GPR176: variants seen among roughly 807,000 people sequenced by gnomAD.
The protein encoded by GPR176 is G protein-coupled receptor 176.
In GPR176, 26 loss-of-function variants were observed where a neutral mutation model predicts 35.4. The observed-to-expected ratio is 0.74, with a 90% confidence interval of 0.54 to 1.02. The LOEUF (loss-of-function observed/expected upper bound fraction) is 1.02. Among genes scored for constraint, GPR176 ranks in the 50% least tolerant of loss-of-function variants. GPR176 has a pLI of 0.00. For missense variants in GPR176, 597 were observed against 665.3 expected (o/e 0.90, Z 1.13); for synonymous variants, 278 against 271.3 (o/e 1.02, Z -0.24).
chr15:39,812,552 G>C (rs1294662464), intron 1 of GPR176, among the ~76,000 whole-genome samples: 1 of 152,118 alleles, frequency 6.6e-6, no homozygotes, highest in Non-Finnish European at 1.5e-5. Flanking sequence ...CTACTTTTGA[G>C]GTTTTGGGAC....
rs998031475 is a variant in GPR176, at chr15:39,912,103, C to T, written c.172+7752G>A. Among the ~76,000 whole-genome samples, 7 of 152,032 alleles carry T rather than the reference C, an allele frequency of 4.6e-5. No individual in the cohort carries two copies. The South Asian group carries it at 6.2e-4, about 14-fold the overall frequency. The stretch of plus-strand genomic sequence containing the variant: ...TGGGCATCCAAAATGAACAAGAAAA[C>T]GAGGTTTATGAGAAGACATGCAATA... On this transcript the variant is annotated intron_variant, in intron 1 of 2. Coordinates refer to ENST00000561100, the MANE Select transcript of GPR176 (RefSeq NM_007223.3).
intron 1 of GPR176, among the ~76,000 whole-genome samples, chr15:39,890,063 GATC>G (rs146925823): frequency 1.9e-3 from 287 of 152,130 alleles, no homozygotes; most frequent in African/African-American, 6.3e-3. Flanking sequence ...TGAAAATTTT[GATC>G]ATCATTTTCA....
intron 1 of GPR176, among the ~76,000 whole-genome samples, chr15:39,864,594 A>G (rs1035743792): frequency 5.3e-5 from 8 of 152,184 alleles, no homozygotes; most frequent in Non-Finnish European, 1.2e-4. Context: ...AAACTTAAAA[A>G]AGGAAACCTA....
At chr15:39,859,707 T>C (rs1228266817) in intron 1 of GPR176, among the ~76,000 whole-genome samples, 1 of 152,138 alleles carries the variant, frequency 6.6e-6, no homozygotes, top group African/African-American at 2.4e-5. Flanking sequence ...AATCGGCCAG[T>C]CACACAAAGG....
At chr15:39,897,988 CA>C (rs1365866436) in intron 1 of GPR176, among the ~76,000 whole-genome samples, 1 of 152,182 alleles carries the variant, frequency 6.6e-6, no homozygotes, top group Non-Finnish European at 1.5e-5. Flanking sequence ...TCACTGCTCC[CA>C]AGGGTGACCA....
chr15:39,809,298 C>T (rs1022959684), intron 1 of GPR176, among the ~76,000 whole-genome samples: 2 of 152,150 alleles, frequency 1.3e-5, no homozygotes, highest in Non-Finnish European at 2.9e-5. Flanking sequence ...TCATTTGGTT[C>T]TAAGAACCTG....
intron 1 of GPR176, among the ~76,000 whole-genome samples, chr15:39,877,133 A>C (rs565597196): frequency 1.3e-5 from 2 of 152,202 alleles, no homozygotes; most frequent in Non-Finnish European, 2.9e-5. Flanking sequence ...AACACCTAAA[A>C]AAATCCATGT....
chr15:39,807,218 C>T lies in GPR176; in HGVS notation c.213G>A (p.Val71=), dbSNP rs1424108083. The T allele has an allele frequency of 3.7e-6, 6 of 1,609,686 alleles. No individual in the cohort carries two copies. The highest frequency in any genetic ancestry group is 2.2e-5 in the East Asian group (1 of 44,786). ...MVLWSTCRTT[V]FKSVTNRFIK... is the part of the protein sequence containing the mutation. ...TGAACCTGTTGGTGACAGATTTGAA[C>T]ACGGTTGTGCGGCAAGTTGACCATA... Residue 71 remains valine (V), a synonymous_variant, in exon 2 of 3, where the codon GTG becomes GTA. Coordinates refer to ENST00000561100, the MANE Select transcript of GPR176 (RefSeq NM_007223.3).
At chr15:39,902,371 C>A (rs1425917540) in intron 1 of GPR176, among the ~76,000 whole-genome samples, 48 of 152,162 alleles carry the variant, frequency 3.2e-4, no homozygotes, top group Non-Finnish European at 2.9e-5. Context: ...AATGATTTGA[C>A]ACTCTTCAGG....
At chr15:39,804,762 T>C (rs1899089630) in intron 2 of GPR176, among the ~76,000 whole-genome samples, 1 of 152,162 alleles carries the variant, frequency 6.6e-6, no homozygotes, top group Admixed American at 6.5e-5. Context: ...TATTTGGCCA[T>C]GAAAAATGAA....
At chr15:39,806,854 G>T in intron 2 of GPR176, 152 bp downstream of exon 2, 1 of 627,052 alleles carries the variant, frequency 1.6e-6, no homozygotes, top group Non-Finnish European at 2.6e-6. Context: ...CCTTTGTGAG[G>T]CATCTGTTTT....
In GPR176 at chr15:39,894,304, G is replaced by T. The variant is rs868440108; in HGVS notation, c.172+25551C>A. Among the ~76,000 whole-genome samples, 35 of 96,012 alleles carry T rather than the reference G, an allele frequency of 3.6e-4. 1 individual carries two copies. Among genetic ancestry groups the T allele is most frequent in the African/African-American group, 1.2e-3 (33 of 28,202 alleles). 63.0% of individuals were successfully genotyped at this position (96,012 alleles called of 152,430 possible). A position where few individuals can be genotyped will look rare whatever the true frequency, so the allele number is the denominator to read the frequency against. The stretch of plus-strand genomic sequence containing the variant: ...TCCCGGACGGGGCGGCTGGCCGGGC[G>T]GGGGGCTGACCCCCCCACCTCCCTC... On this transcript the variant is annotated intron_variant, in intron 1 of 2. Coordinates refer to ENST00000561100, the MANE Select transcript of GPR176 (RefSeq NM_007223.3).
intron 1 of GPR176, among the ~76,000 whole-genome samples, chr15:39,860,475 A>G (rs1225291948): frequency 6.6e-6 from 1 of 152,208 alleles, no homozygotes; most frequent in East Asian, 1.9e-4. Context: ...CATCATACAC[A>G]GTGTCAATGG....
intron 1 of GPR176, among the ~76,000 whole-genome samples, chr15:39,893,998 T>A (rs1176298767): frequency 6.5e-5 from 3 of 46,298 alleles, no homozygotes; most frequent in African/African-American, 2.6e-4. Flanking sequence ...GCGGCTGGCC[T>A]GGCAGAGGGG....
Position 39,820,461 on chromosome 15 carries a change from G to A in GPR176, c.173-13203C>T, listed in dbSNP as rs574401393. Reference sequence around the variant, plus strand: ...TGGGAGCCTAGAGCTCTGTAGGAAGGAGGGAGAGGGGCAAAGTAAACAAAA... The same window carrying A: ...TGGGAGCCTAGAGCTCTGTAGGAAGAAGGGAGAGGGGCAAAGTAAACAAAA... On this transcript the variant is annotated intron_variant, in intron 1 of 2. Transcript: ENST00000561100. 5.9e-5 allele frequency among the ~76,000 whole-genome samples: 9 copies of A among 152,354 alleles called. No individual in the cohort carries two copies. The South Asian group carries it at 1.5e-3, about 25-fold the overall frequency.
intron 1 of GPR176, among the ~76,000 whole-genome samples, chr15:39,812,748 T>TA (rs201307643): frequency 0.021 from 3,162 of 148,044 alleles, 136 homozygotes; most frequent in African/African-American, 0.074. Context: ...AAGCTTTATT[T>TA]TTTTTTTTTT....
intron 1 of GPR176, among the ~76,000 whole-genome samples, chr15:39,902,261 C>G (rs1199546611): frequency 4.6e-5 from 7 of 152,180 alleles, no homozygotes; most frequent in African/African-American, 1.7e-4. Flanking sequence ...CAGCACTCAA[C>G]CCACCATTCA....
chr15:39,887,449 A>G (rs2032712741), intron 1 of GPR176, among the ~76,000 whole-genome samples: 1 of 152,200 alleles, frequency 6.6e-6, no homozygotes, highest in Admixed American at 6.5e-5. Context: ...CCGCTGTGTA[A>G]AACAGCAGCA....
intron 1 of GPR176, among the ~76,000 whole-genome samples, chr15:39,857,709 C>T (rs556577116): frequency 1.3e-5 from 2 of 151,994 alleles, no homozygotes; most frequent in Admixed American, 6.6e-5. Context: ...TGGCTTGTGC[C>T]TGTAATCCCA....
Sources: allele counts gnomAD v4.1 joint callset (sites outside exome capture counted in the v4.1 genomes callset), GRCh38; gene constraint gnomAD v4.1.1; transcripts MANE v1.5; gene names NCBI Gene and HGNC (gene_info 2026-07-23, HGNC 2026-07-21).